PSEN1: variants seen among roughly 807,000 people sequenced by gnomAD.
PSEN1 encodes the protein presenilin-1.
A neutral mutation model predicts 53.5 loss-of-function variants in PSEN1; 15 were observed. The ratio of observed to expected loss-of-function variants is 0.28; its 90% CI spans 0.19 to 0.43. PSEN1 has a LOEUF of 0.43. Ranked by LOEUF, PSEN1 falls within the 20% of genes least tolerant of loss-of-function variation. PSEN1 has a pLI of 1.00. For synonymous variants in PSEN1, 208 were observed against 209.8 expected, an observed-to-expected ratio of 0.99 and a Z score of 0.08; for missense variants, 387 against 571.2, an observed-to-expected ratio of 0.68 and a Z score of 3.29.
chr14:73,192,673 T>G lies in PSEN1; in HGVS notation c.578T>G (p.Val193Gly), dbSNP rs780461228. Reference protein sequence around the residue: ...GEVFKTYNVAVDYITVALLIW... With the variant: ...GEVFKTYNVAGDYITVALLIW... ...GTGTTTAAAACCTATAACGTTGCTG[T>G]GGACTACATTACTGTTGCACTCCTG... is the stretch of plus-strand genomic sequence containing the variant. Residue 193 changes from valine (V) to glycine (G), a missense_variant, in exon 7 of 12, where the codon GTG becomes GGG. Coordinates refer to ENST00000324501, the MANE Select transcript of PSEN1 (RefSeq NM_000021.4). 5.0e-6 allele frequency: 8 copies of G among 1,614,048 alleles called. No individual in the cohort carries two copies. Among genetic ancestry groups the G allele is most frequent in the Non-Finnish European group, 5.9e-6 (7 of 1,179,890 alleles).
At chr14:73,161,992 TA>T (rs1179787685) in intron 3 of PSEN1, among the ~76,000 whole-genome samples, 1,849 of 65,376 alleles carry the variant, frequency 0.028, 24 homozygotes, top group African/African-American at 0.099. Context: ...CCGTTTCCAC[TA>T]AAAAAAAAAA....
chr14:73,144,559 G>C (rs1897017379), intron 1 of PSEN1, among the ~76,000 whole-genome samples: 2 of 152,134 alleles, frequency 1.3e-5, no homozygotes, highest in African/African-American at 2.4e-5. Flanking sequence ...TTTATAAAGA[G>C]GCAATATAGT....
intron 10 of PSEN1, among the ~76,000 whole-genome samples, chr14:73,216,082 C>T (rs1899901342): frequency 6.6e-6 from 1 of 152,084 alleles, no homozygotes; most frequent in African/African-American, 2.4e-5. Context: ...ATAAGCAAAC[C>T]ATATAATGGA....
chr14:73,198,069 A>T lies in PSEN1; in HGVS notation c.808A>T (p.Met270Leu), dbSNP rs114317083. The part of the protein sequence containing the change: ...AVLCPKGPLR[M>L]LVETAQERNE... ...TTTGTGTCCGAAAGGTCCACTTCGT[A>T]TGCTGGTTGAAACAGCTCAGGAGAG... The change falls in exon 8 of 12, where the codon ATG becomes TTG. Residue 270 changes from methionine (M) to leucine (L), a missense_variant. By Grantham distance (15) the Met-to-Leu change is conservative. Around this residue, in one of 4 missense-constraint regions of PSEN1, gnomAD observed 169 missense variants for 299.7 expected, o/e 0.56. Coordinates refer to ENST00000324501, the MANE Select transcript of PSEN1 (RefSeq NM_000021.4). 1 of 1,613,054 alleles carries T rather than the reference A, an allele frequency of 6.2e-7. No individual in the cohort carries two copies.
chr14:73,204,297 C>CT (rs546391770), intron 8 of PSEN1, among the ~76,000 whole-genome samples: 5,788 of 137,470 alleles, frequency 0.042, 298 homozygotes, highest in African/African-American at 0.12. Flanking sequence ...CATGCCTGGC[C>CT]TTTTTTTTTT....
At chr14:73,150,607 A>T (rs1316982640) in intron 3 of PSEN1, among the ~76,000 whole-genome samples, 2 of 150,588 alleles carry the variant, frequency 1.3e-5, no homozygotes, top group African/African-American at 4.9e-5. Flanking sequence ...ACTAAAAAAA[A>T]ATGCAAAATT....
intron 9 of PSEN1, among the ~76,000 whole-genome samples, chr14:73,210,473 A>G (rs1444309525): frequency 6.6e-6 from 1 of 152,224 alleles, no homozygotes; most frequent in Non-Finnish European, 1.5e-5. Context: ...AAGTACCTCA[A>G]ATTAAAACAT....
Position 73,219,187 on chromosome 14 carries a change from T to A in PSEN1, c.1302T>A (p.Ala434=). Residue 434 remains alanine (A), a synonymous_variant, in exon 12 of 12, where the codon GCT becomes GCA. Coordinates refer to ENST00000324501, the MANE Select transcript of PSEN1 (RefSeq NM_000021.4). ...CCATTTTCAAGAAAGCATTGCCAGC[T>A]CTTCCAATCTCCATCACCTTTGGGC... The part of the protein sequence containing the change: ...LLAIFKKALP[A]LPISITFGLV... 1.2e-6 allele frequency: 2 copies of A among 1,613,926 alleles called. No homozygotes were observed. The highest frequency in any genetic ancestry group is 1.7e-6 in the Non-Finnish European group (2 of 1,179,774).
chr14:73,203,001 T>G (rs2140117944), intron 8 of PSEN1, among the ~76,000 whole-genome samples: 1 of 80,812 alleles, frequency 1.2e-5, no homozygotes, highest in East Asian at 3.3e-4. Flanking sequence ...AGGTTCAAGA[T>G]TGCATCTGTT....
At chr14:73,166,988 T>C (rs887875165) in intron 3 of PSEN1, among the ~76,000 whole-genome samples, 1 of 151,592 alleles carries the variant, frequency 6.6e-6, no homozygotes, top group African/African-American at 2.4e-5. Context: ...TACCGCAGAC[T>C]GGGTGATTTA....
At chr14:73,171,542 C>T (rs148441567) in intron 4 of PSEN1, among the ~76,000 whole-genome samples, 1 of 152,262 alleles carries the variant, frequency 6.6e-6, no homozygotes, top group African/African-American at 2.4e-5. Flanking sequence ...CAATGGCAAG[C>T]GCACATTTGG....
intron 8 of PSEN1, among the ~76,000 whole-genome samples, chr14:73,204,248 T>C (rs1340821501): frequency 6.6e-6 from 1 of 151,130 alleles, no homozygotes; most frequent in African/African-American, 2.4e-5. Context: ...TCCACCCACC[T>C]CCGACTCCCA....
intron 5 of PSEN1, among the ~76,000 whole-genome samples, chr14:73,185,103 AC>A (rs1898447049): frequency 7.0e-6 from 1 of 142,362 alleles, no homozygotes; most frequent in Non-Finnish European, 1.5e-5. Flanking sequence ...CCGGGCGGAG[AC>A]GCTCCTCACT....
intron 7 of PSEN1, among the ~76,000 whole-genome samples, chr14:73,193,593 G>T (rs1216830441): frequency 6.6e-6 from 1 of 150,730 alleles, no homozygotes; most frequent in Non-Finnish European, 1.5e-5. Context: ...AAGCAGAGTG[G>T]TAGACACACA....
In PSEN1 at chr14:73,223,100, T is replaced by C. The variant is rs1423791331; in HGVS notation, c.*3811T>C. 1.3e-5 allele frequency: 2 copies of C among 152,124 alleles called. No homozygotes were observed. Among genetic ancestry groups the C allele is most frequent in the East Asian group, 1.9e-4 (1 of 5,196 alleles). The allele number at this position is 152,124 out of a possible 1,614,324, so 9.4% of individuals were successfully genotyped here. A position where few individuals can be genotyped will look rare whatever the true frequency, so the allele number is the denominator to read the frequency against. On this transcript the variant is annotated 3_prime_UTR_variant, in exon 12 of 12. Coordinates refer to ENST00000324501, the MANE Select transcript of PSEN1 (RefSeq NM_000021.4). ...TGCGTTGTGAAATGGCTGGCCAGAGTGTACCAACAAAGCTGTCATCGGGCT... is the reference window on the plus strand; with the variant it reads ...TGCGTTGTGAAATGGCTGGCCAGAGCGTACCAACAAAGCTGTCATCGGGCT...
intron 7 of PSEN1, among the ~76,000 whole-genome samples, chr14:73,194,456 T>G (rs1402611621): frequency 2.6e-5 from 4 of 151,982 alleles, no homozygotes; most frequent in Non-Finnish European, 5.9e-5. Flanking sequence ...AGATGAGATC[T>G]CACTGTGTTT....
Position 73,213,262 on chromosome 14 carries a change from T to C in PSEN1, c.1129+1320T>C, listed in dbSNP as rs149873062. On this transcript the variant is annotated intron_variant, in intron 10 of 11. Coordinates refer to ENST00000324501, the MANE Select transcript of PSEN1 (RefSeq NM_000021.4). ...AGGTTGCCTCTTCTACTTTCCTCTT[T>C]TCTCACAGGCACCAGGAGCCAGAGG... 1.8e-4 allele frequency among the ~76,000 whole-genome samples: 28 copies of C among 152,298 alleles called. No individual in the cohort carries two copies. In the East Asian group the frequency reaches 4.2e-3, roughly 23 times the overall value.
rs746937343 is a variant in PSEN1 at position 73,186,906 on chromosome 14, A to C, written c.534A>C (p.Ser178=). Residue 178 remains serine, a synonymous_variant, in exon 6 of 12, where the codon TCA becomes TCC. Coordinates refer to ENST00000324501, the MANE Select transcript of PSEN1 (RefSeq NM_000021.4). ...ISSLLLLFFF[S]FIYLGEVFKT... Reference sequence around the variant, plus strand: ...CTCTATTGTTGCTGTTCTTTTTTTCATTCATTTACTTGGGGTAAGTTGTGA... The same window carrying C: ...CTCTATTGTTGCTGTTCTTTTTTTCCTTCATTTACTTGGGGTAAGTTGTGA... 1 of 1,613,184 alleles carries C rather than the reference A, an allele frequency of 6.2e-7. No homozygotes were observed. Among genetic ancestry groups the C allele is most frequent in the Non-Finnish European group, 8.5e-7 (1 of 1,179,360 alleles).
intron 4 of PSEN1, 23 bp downstream of exon 4, chr14:73,171,070 T>C: frequency 6.2e-7 from 1 of 1,613,684 alleles, no homozygotes; most frequent in Non-Finnish European, 8.5e-7. Flanking sequence ...TTTGTTTTAT[T>C]ATTCTCAAAG....
Sources: allele counts gnomAD v4.1 joint callset (sites outside exome capture counted in the v4.1 genomes callset), GRCh38; gene constraint gnomAD v4.1.1; regional missense constraint gnomAD v4.1.1; transcripts MANE v1.5; gene names NCBI Gene and HGNC (gene_info 2026-07-23, HGNC 2026-07-21).